Variants in NXNL2 observed in about 807,000 individuals in gnomAD.
The protein encoded by NXNL2 is nucleoredoxin-like protein 2.
Under a neutral mutation model 11.1 loss-of-function variants are expected in NXNL2, and 7 were observed. That is an observed-to-expected ratio of 0.63 (90% confidence interval 0.36 to 1.18). NXNL2 has a LOEUF of 1.18. NXNL2 is among the 50% of genes most tolerant of loss of function. NXNL2 has a pLI of 0.02. For synonymous variants in NXNL2, 109 were observed against 101.8 expected, an observed-to-expected ratio of 1.07 and a Z score of -0.42; for missense variants, 233 against 217.7, an observed-to-expected ratio of 1.07 and a Z score of -0.44.
intron 1 of NXNL2, among the ~76,000 whole-genome samples, chr9:88,564,211 G>GA (rs1170933893): frequency 0.034 from 4,215 of 125,806 alleles, 265 homozygotes; most frequent in African/African-American, 0.12. Context: ...AACTCCATTT[G>GA]AAAAAAAAAA....
chr9:88,581,242 C>G (rs560215087), intron 1 of NXNL2, among the ~76,000 whole-genome samples: 1 of 152,296 alleles, frequency 6.6e-6, no homozygotes, highest in African/African-American at 2.4e-5. Context: ...TGCAGCTACC[C>G]ACTGCAAGAA....
At chr9:88,572,741 A>G (rs911347090) in intron 2 of NXNL2, among the ~76,000 whole-genome samples, 1 of 152,146 alleles carries the variant, frequency 6.6e-6, no homozygotes, top group African/African-American at 2.4e-5. Context: ...TCACCCTAAG[A>G]GTATCTGAGT....
At chr9:88,572,233 C>T (rs1483757035) in intron 2 of NXNL2, among the ~76,000 whole-genome samples, 2 of 152,184 alleles carry the variant, frequency 1.3e-5, no homozygotes, top group African/African-American at 4.8e-5. Flanking sequence ...GATTGTATTA[C>T]TGGGGGCTTT....
chr9:88,573,765 G>A (rs182578782), intron 2 of NXNL2, among the ~76,000 whole-genome samples: 34 of 152,350 alleles, frequency 2.2e-4, no homozygotes, highest in Middle Eastern at 3.4e-3. Flanking sequence ...CACTAAAATG[G>A]TTAGGATGGT....
At chr9:88,549,527 T>C (rs1217932567), downstream of NXNL2, among the ~76,000 whole-genome samples, 5 of 152,166 alleles carry the variant, frequency 3.3e-5, no homozygotes, top group Non-Finnish European at 7.3e-5. Context: ...TGGAAGTACT[T>C]TCCTTCAGTG....
At chr9:88,557,268 G>T (rs1564072180) in intron 1 of NXNL2, among the ~76,000 whole-genome samples, 1 of 152,162 alleles carries the variant, frequency 6.6e-6, no homozygotes, top group Admixed American at 6.6e-5. Flanking sequence ...CTTTGAACTA[G>T]ATTCTGAACC....
At chr9:88,568,546 G>A (rs759316355) in intron 1 of NXNL2, among the ~76,000 whole-genome samples, 2 of 152,196 alleles carry the variant, frequency 1.3e-5, no homozygotes, top group Non-Finnish European at 2.9e-5. Flanking sequence ...ACCTGCATCT[G>A]GCATTATCTT....
chr9:88,548,302 G>A (rs1829873541), downstream of NXNL2, among the ~76,000 whole-genome samples: 1 of 116,042 alleles, frequency 8.6e-6, no homozygotes, highest in South Asian at 3.1e-4. Flanking sequence ...TCACACTATT[G>A]CACTCCAGCC....
At chr9:88,582,615 C>T (rs1317551718) in intron 1 of NXNL2, among the ~76,000 whole-genome samples, 2 of 151,772 alleles carry the variant, frequency 1.3e-5, no homozygotes, top group Admixed American at 6.6e-5. Context: ...TTCCTTTCTT[C>T]CTTCCTTCCT....
At chr9:88,541,884 C>T (rs571791439) in intron 1 of NXNL2, among the ~76,000 whole-genome samples, 28 of 152,194 alleles carry the variant, frequency 1.8e-4, no homozygotes, top group African/African-American at 5.3e-4. Flanking sequence ...TTGTCATCTG[C>T]GTTACTATTT....
At chr9:88,537,845 T>A (rs771511686) in intron 1 of NXNL2, among the ~76,000 whole-genome samples, 10 of 152,148 alleles carry the variant, frequency 6.6e-5, no homozygotes, top group Non-Finnish European at 1.5e-4. Flanking sequence ...CAGAGAGATT[T>A]GCTTGGCCAC....
At chr9:88,578,252 G>C (rs535156354), downstream of NXNL2, among the ~76,000 whole-genome samples, 5 of 152,280 alleles carry the variant, frequency 3.3e-5, no homozygotes, top group South Asian at 6.2e-4. Context: ...CGGACCCCAG[G>C]TGGGCTGCGC....
intron 1 of NXNL2, among the ~76,000 whole-genome samples, chr9:88,553,051 C>A (rs1226451297): frequency 6.6e-6 from 1 of 152,190 alleles, no homozygotes; most frequent in Non-Finnish European, 1.5e-5. Flanking sequence ...CATCTATAAT[C>A]TAATGTCCCA....
At chr9:88,538,213 G>A (rs1041469274) in intron 1 of NXNL2, among the ~76,000 whole-genome samples, 1 of 152,186 alleles carries the variant, frequency 6.6e-6, no homozygotes, top group Non-Finnish European at 1.5e-5. Flanking sequence ...CCAGCATGGG[G>A]ATTTGAGGGC....
intron 1 of NXNL2, among the ~76,000 whole-genome samples, chr9:88,561,203 G>A (rs1052397773): frequency 2.0e-5 from 3 of 152,070 alleles, no homozygotes; most frequent in Admixed American, 6.6e-5. Flanking sequence ...GCAGAAAAAC[G>A]TGAAGAGATG....
chr9:88,552,714 C>A (rs1446162454), intron 1 of NXNL2, among the ~76,000 whole-genome samples: 1 of 152,138 alleles, frequency 6.6e-6, no homozygotes, highest in East Asian at 1.9e-4. Context: ...CGTGATCCGC[C>A]CACCTCAGCC....
At chr9:88,537,179 C>A (rs959976606) in intron 1 of NXNL2, among the ~76,000 whole-genome samples, 5 of 152,188 alleles carry the variant, frequency 3.3e-5, no homozygotes, top group African/African-American at 1.2e-4. Flanking sequence ...CATGTGTCCG[C>A]TGGTTATGTC....
intron 1 of NXNL2, among the ~76,000 whole-genome samples, chr9:88,537,422 G>T (rs1397786950): frequency 1.3e-5 from 2 of 152,216 alleles, no homozygotes; most frequent in Non-Finnish European, 2.9e-5. Context: ...CCAGCTGGAG[G>T]CAGTGAGCTG....
rs1209283248 is a variant in NXNL2 at position 88,544,604 on chromosome 9, G to A, written c.*57G>A. 2 of 1,459,732 alleles carry A rather than the reference G, an allele frequency of 1.4e-6. No individual in the cohort carries two copies. The highest frequency in any genetic ancestry group is 1.8e-6 in the Non-Finnish European group (2 of 1,101,920). 90.4% of individuals were successfully genotyped at this position (1,459,732 alleles called of 1,614,324 possible). A position where few individuals can be genotyped will look rare whatever the true frequency, so the allele number is the denominator to read the frequency against. On this transcript the variant is annotated 3_prime_UTR_variant, in exon 2 of 2. Coordinates refer to ENST00000375854, the MANE Select transcript of NXNL2 (RefSeq NM_001161625.2). Reference sequence around the variant, plus strand: ...TGCTGCTTCTCCAGCACCGACGCTGGGGCAAAGAGGAGCATGTTGGGTTCC... The same window carrying A: ...TGCTGCTTCTCCAGCACCGACGCTGAGGCAAAGAGGAGCATGTTGGGTTCC...
Sources: allele counts gnomAD v4.1 joint callset (sites outside exome capture counted in the v4.1 genomes callset), GRCh38; gene constraint gnomAD v4.1.1; transcripts MANE v1.5; gene names NCBI Gene and HGNC (gene_info 2026-07-23, HGNC 2026-07-21).